Variants in SLN observed in about 807,000 individuals in gnomAD.
SLN encodes sarcolipin.
For missense variants in SLN, 34 were observed against 37.4 expected, an observed-to-expected ratio of 0.91 and a Z score of 0.24; for synonymous variants, 19 against 14.4, an observed-to-expected ratio of 1.32 and a Z score of -0.72.
At chr11:107,711,813 G>A (rs998860616) in intron 1 of SLN, 150 bp downstream of exon 1, 4 of 152,112 alleles carry the variant, frequency 2.6e-5, no homozygotes, top group African/African-American at 7.2e-5. Flanking sequence ...AAAACAGAAA[G>A]CAATAGTACT....
At chr11:107,709,710 T>TATA (rs1867193122) in intron 1 of SLN, among the ~76,000 whole-genome samples, 1 of 151,578 alleles carries the variant, frequency 6.6e-6, no homozygotes, top group African/African-American at 2.4e-5. Flanking sequence ...AATCAGATGG[T>TATA]GCCAACCAGT....
At chr11:107,710,455 T>G (rs2135743370) in intron 1 of SLN, among the ~76,000 whole-genome samples, 1 of 152,352 alleles carries the variant, frequency 6.6e-6, no homozygotes, top group Non-Finnish European at 1.5e-5. Context: ...CTGCAGTTTT[T>G]ATCTTTCTCA....
rs1282664936 is a variant in SLN at position 107,707,892 on chromosome 11, A to G, written c.39T>C (p.Thr13=). The G allele has an allele frequency of 1.9e-6, 3 of 1,614,024 alleles. No homozygotes were observed. Among genetic ancestry groups the G allele is most frequent in the Non-Finnish European group, 2.5e-6 (3 of 1,179,960 alleles). The change falls in exon 2 of 2, where the codon ACT becomes ACC. Residue 13 remains threonine, a synonymous_variant. Coordinates refer to ENST00000305991, the MANE Select transcript of SLN (RefSeq NM_003063.3). The stretch of plus-strand genomic sequence containing the variant: ...TAAGAATAACCGTAATCAAGACAAT[A>G]GTGAAGTTGAGAAACAGCTCCCGGG... ...INTRELFLNF[T]IVLITVILMW...
chr11:107,709,312 A>C (rs1867186762), intron 1 of SLN, among the ~76,000 whole-genome samples: 1 of 152,228 alleles, frequency 6.6e-6, no homozygotes, highest in Non-Finnish European at 1.5e-5. Context: ...TTTAGGACCA[A>C]AGTCTACTGT....
chr11:107,710,291 T>C (rs1473632041), intron 1 of SLN, among the ~76,000 whole-genome samples: 1 of 152,174 alleles, frequency 6.6e-6, no homozygotes, highest in Non-Finnish European at 1.5e-5. Context: ...AAAACAACGG[T>C]CCCACCAAAT....
chr11:107,710,674 T>A (rs1867202436), intron 1 of SLN, among the ~76,000 whole-genome samples: 1 of 152,204 alleles, frequency 6.6e-6, no homozygotes, highest in Non-Finnish European at 1.5e-5. Flanking sequence ...TGGAAAACAA[T>A]TTAGCTTTCT....
In SLN at chr11:107,707,827, A is replaced by T. The variant is rs1297742026; in HGVS notation, c.*8T>A. The T allele has an allele frequency of 6.2e-7, 1 of 1,604,586 alleles. No homozygotes were observed. Among genetic ancestry groups the T allele is most frequent in the Non-Finnish European group, 8.5e-7 (1 of 1,171,772 alleles). On this transcript the variant is annotated 3_prime_UTR_variant, in exon 2 of 2. Coordinates refer to ENST00000305991, the MANE Select transcript of SLN (RefSeq NM_003063.3). ...TCTCAGTCAATCCCAGGACCATGGC[A>T]TGGCCTCTCAGTACTGATAGGACCT...
intron 1 of SLN, among the ~76,000 whole-genome samples, chr11:107,711,284 T>G (rs1867207323): frequency 6.6e-6 from 1 of 152,210 alleles, no homozygotes; most frequent in African/African-American, 2.4e-5. Flanking sequence ...CCCATCACAC[T>G]TCTTTCTTTC....
In SLN at chr11:107,707,807, G is replaced by T. The variant is rs955007270; in HGVS notation, c.*28C>A. 1.3e-6 allele frequency: 2 copies of T among 1,554,064 alleles called. No homozygotes were observed. Among genetic ancestry groups the T allele is most frequent in the Non-Finnish European group, 8.9e-7 (1 of 1,126,174 alleles). On this transcript the variant is annotated 3_prime_UTR_variant, in exon 2 of 2. Coordinates refer to ENST00000305991, the MANE Select transcript of SLN (RefSeq NM_003063.3). ...GAGCAGGCAGCTCCGGAGCATCTCA[G>T]TCAATCCCAGGACCATGGCATGGCC...
chr11:107,709,088 G>A (rs913296207), intron 1 of SLN, among the ~76,000 whole-genome samples: 21 of 152,186 alleles, frequency 1.4e-4, no homozygotes, highest in African/African-American at 4.3e-4. Context: ...GGTCCAGGAT[G>A]TGCCTAGATT....
intron 1 of SLN, among the ~76,000 whole-genome samples, chr11:107,711,525 G>T (rs1412491982): frequency 6.6e-6 from 1 of 152,106 alleles, no homozygotes; most frequent in Non-Finnish European, 1.5e-5. Flanking sequence ...GATCAGCCAA[G>T]TTCCATTTTT....
chr11:107,709,366 A>C (rs1867187196), intron 1 of SLN, among the ~76,000 whole-genome samples: 1 of 152,214 alleles, frequency 6.6e-6, no homozygotes, highest in South Asian at 2.1e-4. Flanking sequence ...GTGTTTGCTA[A>C]AGGTGAGAGT....
At chr11:107,708,117 G>T in intron 1 of SLN, 112 bp from the exon 2 acceptor site, 1 of 594,490 alleles carries the variant, frequency 1.7e-6, no homozygotes. Flanking sequence ...AGAGTGTGAT[G>T]GGCTAAATTG....
At position 107,707,849 on chromosome 11, in the gene SLN, A is replaced by G; in HGVS notation, c.82T>C (p.Ser28Pro). ...GGCATGGCCTCTCAGTACTGATAGGACCTCACAAGGAGCCACATAAGAATA... is the reference window on the plus strand; with the variant it reads ...GGCATGGCCTCTCAGTACTGATAGGGCCTCACAAGGAGCCACATAAGAATA... ...TVILMWLLVR[S>P]YQY Residue 28 changes from serine to proline, a missense_variant, in exon 2 of 2, where the codon TCC becomes CCC. By Grantham distance (74) the Ser-to-Pro change is moderately conservative. Coordinates refer to ENST00000305991, the MANE Select transcript of SLN (RefSeq NM_003063.3). 3 of 1,613,186 alleles carry G rather than the reference A, an allele frequency of 1.9e-6. No homozygotes were observed. The African/African-American group carries it at 4.0e-5, about 22-fold the overall frequency.
chr11:107,710,709 T>C (rs1342665471), intron 1 of SLN, among the ~76,000 whole-genome samples: 1 of 152,242 alleles, frequency 6.6e-6, no homozygotes, highest in Non-Finnish European at 1.5e-5. Context: ...AAAATGTTCA[T>C]TCTCTAATAT....
chr11:107,711,058 T>C (rs1284608835), intron 1 of SLN, among the ~76,000 whole-genome samples: 1 of 152,176 alleles, frequency 6.6e-6, no homozygotes, highest in Non-Finnish European at 1.5e-5. Flanking sequence ...CAGACATAGA[T>C]GGTCAAATTA....
intron 1 of SLN, among the ~76,000 whole-genome samples, chr11:107,710,639 A>G (rs1867201892): frequency 6.6e-6 from 1 of 152,242 alleles, no homozygotes; most frequent in African/African-American, 2.4e-5. Context: ...GGCTAAACAA[A>G]GTTAGCATAA....
chr11:107,710,035 G>T (rs1867196342), intron 1 of SLN, among the ~76,000 whole-genome samples: 1 of 152,150 alleles, frequency 6.6e-6, no homozygotes, highest in African/African-American at 2.4e-5. Context: ...AAAATGAATG[G>T]ATCAAGGAAA....
rs747240166 is a variant in SLN at position 107,707,977 on chromosome 11, A to T, written c.-47T>A. On this transcript the variant is annotated 5_prime_UTR_variant, in exon 2 of 2. Coordinates refer to ENST00000305991, the MANE Select transcript of SLN (RefSeq NM_003063.3). ...ACTGCAGGCAGATTTCTGAGGGCAC[A>T]CCAAGGACCTCTGGCTTCTCCTCAC... 8 of 1,349,764 alleles carry T rather than the reference A, an allele frequency of 5.9e-6. No homozygotes were observed. Among genetic ancestry groups the T allele is most frequent in the African/African-American group, 4.3e-5 (3 of 69,874 alleles). The allele number at this position is 1,349,764 out of a possible 1,614,324, so 83.6% of individuals were successfully genotyped here.
Sources: allele counts gnomAD v4.1 joint callset (sites outside exome capture counted in the v4.1 genomes callset), GRCh38; gene constraint gnomAD v4.1.1; transcripts MANE v1.5; gene names NCBI Gene and HGNC (gene_info 2026-07-23, HGNC 2026-07-21).